The following MIPOL1 variants were observed in gnomAD, a reference collection of about 807,000 sequenced individuals.
MIPOL1 encodes mirror-image polydactyly gene 1 protein.
In MIPOL1, 57 loss-of-function variants were observed where a neutral mutation model predicts 60.9. The observed-to-expected ratio is 0.94, with a 90% CI of 0.76 to 1.17. The LOEUF (loss-of-function observed/expected upper bound fraction) is 1.17. Ranked by LOEUF, MIPOL1 falls within the 50% of genes most tolerant of loss-of-function variation. MIPOL1 has a pLI of 0.00. For synonymous variants in MIPOL1, 179 were observed against 168.8 expected (o/e 1.06, Z -0.47); for missense variants, 551 against 511.6 (o/e 1.08, Z -0.74).
chr14:37,468,702 G>A (rs1259514398), intron 11 of MIPOL1, among the ~76,000 whole-genome samples: 2 of 152,194 alleles, frequency 1.3e-5, no homozygotes, highest in African/African-American at 4.8e-5. Flanking sequence ...TGAAAAGACA[G>A]TTTCTCATGG....
chr14:37,345,015 C>A (rs1298371598), intron 9 of MIPOL1, among the ~76,000 whole-genome samples: 44 of 128,670 alleles, frequency 3.4e-4, no homozygotes, highest in African/African-American at 1.1e-3. Context: ...AGACTCTTAT[C>A]AAAAAAAAAA....
chr14:37,296,534 T>C (rs1041768312), intron 7 of MIPOL1, among the ~76,000 whole-genome samples: 3 of 151,766 alleles, frequency 2.0e-5, no homozygotes, highest in Admixed American at 6.6e-5. Context: ...TTTGAAAAGA[T>C]CAACAAAATT....
At chr14:37,422,828 A>C (rs191220670) in intron 10 of MIPOL1, 27 bp from the exon 11 acceptor site, 2 of 1,474,966 alleles carry the variant, frequency 1.4e-6, no homozygotes, top group Admixed American at 1.8e-5. Context: ...TGAATACTGA[A>C]TTTCTTAAAA....
chr14:37,502,562 G>A (rs541689468), intron 12 of MIPOL1: 2 of 152,300 alleles, frequency 1.3e-5, no homozygotes, highest in South Asian at 2.1e-4. Context: ...CAAACAGAAA[G>A]GAATAGCATC....
At chr14:37,221,357 T>C (rs1346660668) in intron 1 of MIPOL1, among the ~76,000 whole-genome samples, 1 of 152,238 alleles carries the variant, frequency 6.6e-6, no homozygotes, top group Non-Finnish European at 1.5e-5. Context: ...GATAATGTTA[T>C]TAATCCATTC....
At chr14:37,353,415 C>T (rs1175125848) in intron 9 of MIPOL1, among the ~76,000 whole-genome samples, 2 of 148,062 alleles carry the variant, frequency 1.4e-5, no homozygotes, top group Admixed American at 6.8e-5. Context: ...ATGATGCTGG[C>T]CTCATAAAAT....
chr14:37,233,642 G>A (rs1185103064), intron 1 of MIPOL1, among the ~76,000 whole-genome samples: 1 of 152,136 alleles, frequency 6.6e-6, no homozygotes, highest in Non-Finnish European at 1.5e-5. Flanking sequence ...AGCCAAATCA[G>A]GACTATAAGG....
At chr14:37,487,950 G>C (rs1022516256) in intron 11 of MIPOL1, among the ~76,000 whole-genome samples, 1 of 152,110 alleles carries the variant, frequency 6.6e-6, no homozygotes, top group Non-Finnish European at 1.5e-5. Context: ...GATCTTTCCT[G>C]CTTTCTCTTG....
intron 6 of MIPOL1, among the ~76,000 whole-genome samples, chr14:37,280,947 A>G (rs920354586): frequency 6.6e-6 from 1 of 152,102 alleles, no homozygotes; most frequent in Non-Finnish European, 1.5e-5. Flanking sequence ...ATTTGCAGAT[A>G]TTTTCTCCTA....
intron 10 of MIPOL1, among the ~76,000 whole-genome samples, chr14:37,387,926 T>C (rs981796861): frequency 6.6e-6 from 1 of 151,752 alleles, no homozygotes; most frequent in Non-Finnish European, 1.5e-5. Context: ...TAAAGGAAAC[T>C]TGAGGTAGAA....
In MIPOL1 at chr14:37,344,572, T is replaced by C. The variant is rs187726079; in HGVS notation, c.829-24945T>C. Among the ~76,000 whole-genome samples, 465 of 152,310 alleles carry C rather than the reference T, an allele frequency of 3.1e-3. 3 individuals carry two copies. Among genetic ancestry groups the C allele is most frequent in the African/African-American group, 9.5e-3 (396 of 41,566 alleles). On this transcript the variant is annotated intron_variant, in intron 9 of 12. Coordinates refer to ENST00000684589, the MANE Select transcript of MIPOL1 (RefSeq NM_001388067.1). ...GCACATGTCAAGTTGTGTTTCTTTCTATGTTGTTAGCAAATCTCAATGCCT... is the reference window on the plus strand; with the variant it reads ...GCACATGTCAAGTTGTGTTTCTTTCCATGTTGTTAGCAAATCTCAATGCCT...
chr14:37,513,543 G>A (rs778674851), intron 12 of MIPOL1, among the ~76,000 whole-genome samples: 1 of 152,066 alleles, frequency 6.6e-6, no homozygotes, highest in Non-Finnish European at 1.5e-5. Context: ...GATTAATGTA[G>A]GATTGTTAGG....
intron 11 of MIPOL1, among the ~76,000 whole-genome samples, chr14:37,451,804 CTCTCTTT>C (rs1373112382): frequency 7.9e-4 from 86 of 108,388 alleles, no homozygotes; most frequent in African/African-American, 3.4e-3. Context: ...TTTGTTTATT[CTCTCTTT>C]TTTTTTTTTT....
chr14:37,292,749 G>A (rs1226422890), intron 7 of MIPOL1, among the ~76,000 whole-genome samples: 1 of 152,046 alleles, frequency 6.6e-6, no homozygotes, highest in East Asian at 1.9e-4. Flanking sequence ...CCAAAGTGCT[G>A]GGATTACAGG....
intron 10 of MIPOL1, among the ~76,000 whole-genome samples, chr14:37,375,600 T>C (rs1048912753): frequency 2.0e-5 from 3 of 152,182 alleles, no homozygotes; most frequent in African/African-American, 4.8e-5. Flanking sequence ...AGAGCTCTGA[T>C]TGTTAATAAA....
chr14:37,361,768 C>T (rs1032195442), intron 9 of MIPOL1, among the ~76,000 whole-genome samples: 1 of 151,804 alleles, frequency 6.6e-6, no homozygotes, highest in South Asian at 2.1e-4. Flanking sequence ...CCCCCATGCC[C>T]AGCTAATTTT....
At chr14:37,408,525 G>A (rs1008021496) in intron 10 of MIPOL1, among the ~76,000 whole-genome samples, 1 of 152,140 alleles carries the variant, frequency 6.6e-6, no homozygotes, top group Non-Finnish European at 1.5e-5. Context: ...GGCTACCCAG[G>A]AGGCTGAGGT....
intron 6 of MIPOL1, among the ~76,000 whole-genome samples, chr14:37,272,238 C>A (rs1249180023): frequency 6.6e-6 from 1 of 151,422 alleles, no homozygotes; most frequent in South Asian, 2.1e-4. Context: ...CAACCATTTG[C>A]TTATAAAAAT....
At chr14:37,388,561 A>C (rs537825476) in intron 10 of MIPOL1, among the ~76,000 whole-genome samples, 10 of 151,074 alleles carry the variant, frequency 6.6e-5, no homozygotes. Context: ...ATACAGTTCA[A>C]TGCATTTTGA....
Sources: allele counts gnomAD v4.1 joint callset (sites outside exome capture counted in the v4.1 genomes callset), GRCh38; gene constraint gnomAD v4.1.1; transcripts MANE v1.5; gene names NCBI Gene and HGNC (gene_info 2026-07-23, HGNC 2026-07-21).